AKAP13: variants seen among roughly 807,000 people sequenced by gnomAD.
AKAP13 encodes A-kinase anchoring protein 13, also known as A-kinase anchor protein 13.
In AKAP13, 80 loss-of-function variants were observed where a neutral mutation model predicts 264.5. The ratio of observed to expected loss-of-function variants is 0.30; its 90% CI spans 0.25 to 0.36. The LOEUF is 0.36. AKAP13 is among the 10% of genes least tolerant of loss of function. AKAP13 has a pLI of 1.00. For synonymous variants in AKAP13, 1,380 were observed against 1,250.2 expected (o/e 1.10, Z -2.19); for missense variants, 3,712 against 3,435.2 (o/e 1.08, Z -2.01).
At chr15:85,707,874 G>C in intron 17 of AKAP13, 145 bp from the exon 18 acceptor site, 1 of 701,898 alleles carries the variant, frequency 1.4e-6, no homozygotes, top group South Asian at 1.6e-5. Context: ...CCTAGAAGAG[G>C]ACTGCAGTGT....
At chr15:85,560,419 A>G (rs2078330034) in intron 5 of AKAP13, among the ~76,000 whole-genome samples, 1 of 152,066 alleles carries the variant, frequency 6.6e-6, no homozygotes, top group Non-Finnish European at 1.5e-5. Flanking sequence ...AGTGCTGGGA[A>G]CACAGGTGTG....
At chr15:85,629,763 C>CGTTTTTT (rs1567164100) in intron 8 of AKAP13, among the ~76,000 whole-genome samples, 17 of 76,156 alleles carry the variant, frequency 2.2e-4, no homozygotes, top group South Asian at 4.3e-4. Flanking sequence ...TCCTTTACAG[C>CGTTTTTT]CTTTTTTTTT....
chr15:85,544,078 T>C (rs2291049), intron 5 of AKAP13, 123 bp downstream of exon 5: 973,973 of 1,156,244 alleles, frequency 0.84, 415,728 homozygotes, highest in Middle Eastern at 0.89. Context: ...CAGCTCTGTA[T>C]CTTGCCTTCT....
chr15:85,447,870 C>T (rs2073953377), intron 1 of AKAP13, among the ~76,000 whole-genome samples: 1 of 152,106 alleles, frequency 6.6e-6, no homozygotes, highest in South Asian at 2.1e-4. Context: ...GATTTATAAT[C>T]CTCTGGGTAT....
At position 85,540,839 on chromosome 15, in the gene AKAP13, A is replaced by G. The variant is rs530888113; in HGVS notation, c.479-2933A>G. Reference sequence around the variant, plus strand: ...AATACCTAAAACTGGGGGTATATGCATGCGGTGGACTACTCAGCAGTAAAA... The same window carrying G: ...AATACCTAAAACTGGGGGTATATGCGTGCGGTGGACTACTCAGCAGTAAAA... On this transcript the variant is annotated intron_variant, in intron 4 of 36. Coordinates refer to ENST00000394518, the MANE Select transcript of AKAP13 (RefSeq NM_007200.5). 1.2e-4 allele frequency among the ~76,000 whole-genome samples: 19 copies of G among 152,370 alleles called. 1 individual carries two copies. The highest frequency in any genetic ancestry group is 3.6e-4 in the African/African-American group (15 of 41,586).
chr15:85,588,734 TAAAAG>T (rs2079460319), intron 8 of AKAP13, among the ~76,000 whole-genome samples: 1 of 152,126 alleles, frequency 6.6e-6, no homozygotes, highest in Non-Finnish European at 1.5e-5. Flanking sequence ...AATTTACAGA[TAAAAG>T]AATAGACCCT....
intron 2 of AKAP13, among the ~76,000 whole-genome samples, chr15:85,486,354 G>A (rs1360518671): frequency 6.6e-6 from 1 of 151,900 alleles, no homozygotes; most frequent in African/African-American, 2.4e-5. Flanking sequence ...TTATTCCTAT[G>A]TTTTCATCTA....
At chr15:85,548,442 G>GAA (rs1237688353) in intron 5 of AKAP13, among the ~76,000 whole-genome samples, 2 of 152,152 alleles carry the variant, frequency 1.3e-5, no homozygotes, top group East Asian at 3.8e-4. Context: ...TAGTATGGTA[G>GAA]AACTGCTTAC....
At chr15:85,424,043 G>A (rs529069554) in intron 1 of AKAP13, among the ~76,000 whole-genome samples, 3 of 152,216 alleles carry the variant, frequency 2.0e-5, no homozygotes, top group East Asian at 1.9e-4. Context: ...TTCTAGTTAC[G>A]GAAACACAGA....
chr15:85,631,257 C>T (rs1429981219), intron 8 of AKAP13, among the ~76,000 whole-genome samples: 1 of 152,066 alleles, frequency 6.6e-6, no homozygotes, highest in Non-Finnish European at 1.5e-5. Context: ...ATTCGTGGCT[C>T]TCTAGGCACT....
chr15:85,742,951 T>TA (rs2089152460), intron 35 of AKAP13, among the ~76,000 whole-genome samples: 1 of 152,120 alleles, frequency 6.6e-6, no homozygotes, highest in Non-Finnish European at 1.5e-5. Flanking sequence ...CCCATCCCAA[T>TA]AAAATCGGTG....
intron 13 of AKAP13, among the ~76,000 whole-genome samples, chr15:85,665,468 C>T (rs898910271): frequency 1.3e-5 from 2 of 152,200 alleles, no homozygotes; most frequent in African/African-American, 4.8e-5. Context: ...TCTTACTACA[C>T]CTTCCAGGAA....
intron 1 of AKAP13, among the ~76,000 whole-genome samples, chr15:85,449,839 T>G (rs2074021791): frequency 6.6e-6 from 1 of 152,246 alleles, no homozygotes; most frequent in Non-Finnish European, 1.5e-5. Flanking sequence ...TGAGGATTTT[T>G]GCACTGATAT....
intron 1 of AKAP13, among the ~76,000 whole-genome samples, chr15:85,483,679 C>T (rs62022116): frequency 0.49 from 69,413 of 142,624 alleles, 17,700 homozygotes; most frequent in Middle Eastern, 0.61. Context: ...GGTGTTGTGG[C>T]GGGTGCCTGT....
chr15:85,456,797 T>C (rs190521678), intron 1 of AKAP13, among the ~76,000 whole-genome samples: 152 of 152,278 alleles, frequency 1.0e-3, no homozygotes, highest in Non-Finnish European at 9.1e-4. Context: ...TCCTTATAGC[T>C]CATGTTGACA....
intron 1 of AKAP13, among the ~76,000 whole-genome samples, chr15:85,453,349 C>G (rs2074160824): frequency 6.6e-6 from 1 of 151,770 alleles, no homozygotes; most frequent in African/African-American, 2.4e-5. Flanking sequence ...ATCAGCCACC[C>G]ACGTAACAGT....
rs563078064 is a variant in AKAP13, at chr15:85,723,661, G to C, written c.6745+341G>C. ...CCTATAAGAGATGGACAGCCAGGTT[G>C]GAATTGGGATCTGTGGCAAAACTCA... On this transcript the variant is annotated intron_variant, in intron 26 of 36. Transcript: ENST00000394518. Among the ~76,000 whole-genome samples the C allele has an allele frequency of 3.3e-5, 5 of 152,292 alleles. No individual in the cohort carries two copies. In the South Asian group the frequency reaches 1.0e-3, roughly 32 times the overall value.
intron 5 of AKAP13, among the ~76,000 whole-genome samples, chr15:85,562,691 C>CTTTTTTT (rs10598092): frequency 9.9e-5 from 10 of 100,520 alleles, no homozygotes; most frequent in South Asian, 3.3e-4. Flanking sequence ...CTTTTCTTTT[C>CTTTTTTT]TTTTTTTTTT....
At chr15:85,740,061 CACTT>C (rs1263134069) in intron 33 of AKAP13, among the ~76,000 whole-genome samples, 157 bp from the exon 34 acceptor site, 1 of 152,100 alleles carries the variant, frequency 6.6e-6, no homozygotes, top group South Asian at 2.1e-4. Context: ...TGCTGGTGCT[CACTT>C]AGTTTCTTTG....
Sources: gnomAD v4.1 joint callset for allele counts (sites outside exome capture counted in the v4.1 genomes callset) on GRCh38, gnomAD v4.1.1 for gene constraint, MANE v1.5 for transcripts, NCBI Gene and HGNC (gene_info 2026-07-23, HGNC 2026-07-21) for gene names.